VAV1: variants seen among roughly 807,000 people sequenced by gnomAD.
VAV1 encodes proto-oncogene vav.
In VAV1, 33 loss-of-function variants were observed where a neutral mutation model predicts 128.1. The ratio of observed to expected loss-of-function variants is 0.26; its 90% CI spans 0.20 to 0.34. The LOEUF (loss-of-function observed/expected upper bound fraction) is 0.34, where lower values mean the gene tolerates loss of function less well. Ranked by LOEUF, VAV1 falls within the 10% of genes least tolerant of loss-of-function variation. The pLI, the probability that VAV1 is intolerant of heterozygous loss-of-function variation, is 1.00. For missense variants in VAV1, 715 were observed against 1,093.7 expected (o/e 0.65, Z 4.88); for synonymous variants, 394 against 409.8 (o/e 0.96, Z 0.47).
chr19:6,791,201 C>T (rs1165277654), intron 1 of VAV1, among the ~76,000 whole-genome samples: 1 of 152,354 alleles, frequency 6.6e-6, no homozygotes, highest in East Asian at 1.9e-4. Flanking sequence ...ATCTTGAAGT[C>T]CTTGAGTTAT....
At chr19:6,850,212 T>A (rs1458863266) in intron 23 of VAV1, among the ~76,000 whole-genome samples, 1 of 140,602 alleles carries the variant, frequency 7.1e-6, no homozygotes, top group African/African-American at 2.9e-5. Context: ...GAGTTTTGTT[T>A]GTTTGTTTCT....
intron 1 of VAV1, among the ~76,000 whole-genome samples, chr19:6,806,626 TA>T (rs1971402338): frequency 6.6e-6 from 1 of 152,066 alleles, no homozygotes; most frequent in African/African-American, 2.4e-5. Context: ...CAGCGGAGAG[TA>T]AATCACTGTC....
intron 1 of VAV1, among the ~76,000 whole-genome samples, chr19:6,812,523 G>C (rs888404908): frequency 6.6e-6 from 1 of 152,144 alleles, no homozygotes; most frequent in African/African-American, 2.4e-5. Flanking sequence ...AGCAGGGCAT[G>C]GTGGTGGGCG....
At chr19:6,813,787 C>G (rs912429905) in intron 1 of VAV1, among the ~76,000 whole-genome samples, 1 of 152,056 alleles carries the variant, frequency 6.6e-6, no homozygotes, top group Admixed American at 6.6e-5. Flanking sequence ...GGTGCGGTGG[C>G]TCATACCTGT....
rs1442133456 is a variant in VAV1, at chr19:6,812,701, G to A, written c.205-8001G>A. Among the ~76,000 whole-genome samples the A allele has an allele frequency of 2.0e-5, 3 of 152,074 alleles. No individual in the cohort carries two copies. In the East Asian group the frequency reaches 5.8e-4, roughly 29 times the overall value. On this transcript the variant is annotated intron_variant, in intron 1 of 26. Coordinates refer to ENST00000602142, the MANE Select transcript of VAV1 (RefSeq NM_005428.4). Reference sequence around the variant, plus strand: ...CCCAAAATACAAAAATTGATGGGTTGGTGAATGCTCTTGGTTTCCCAGCTG... The same window carrying A: ...CCCAAAATACAAAAATTGATGGGTTAGTGAATGCTCTTGGTTTCCCAGCTG...
At chr19:6,811,268 T>C (rs993720417) in intron 1 of VAV1, among the ~76,000 whole-genome samples, 3 of 152,174 alleles carry the variant, frequency 2.0e-5, no homozygotes, top group Admixed American at 1.3e-4. Context: ...ACTCCTGACT[T>C]CAAGTGATCC....
intron 1 of VAV1, among the ~76,000 whole-genome samples, chr19:6,791,608 C>T (rs1001482763): frequency 2.6e-5 from 4 of 152,162 alleles, no homozygotes; most frequent in African/African-American, 9.7e-5. Context: ...TCGTTTTCTC[C>T]AAAAAATGTT....
chr19:6,798,645 CCTGTTTCTCCCCTT>C (rs1402053076), intron 1 of VAV1, among the ~76,000 whole-genome samples: 4 of 150,742 alleles, frequency 2.7e-5, no homozygotes, highest in African/African-American at 9.9e-5. Context: ...AGAGTGAGAC[CCTGTTTCTCCCCTT>C]CCCCCCCCCA....
At chr19:6,829,543 C>A (rs550665036) in intron 13 of VAV1, among the ~76,000 whole-genome samples, 1 of 151,938 alleles carries the variant, frequency 6.6e-6, no homozygotes, top group Non-Finnish European at 1.5e-5. Context: ...CCAGAGAAGG[C>A]GGTGGAGCCT....
At position 6,822,753 on chromosome 19, in the gene VAV1, C is replaced by G. The variant is rs1265380943; in HGVS notation, c.654+239C>G. On this transcript the variant is annotated intron_variant, in intron 6 of 26. Transcript: ENST00000602142. This position sits in a 1 kb window ranked among gnomAD's most constrained non-coding sequence, Gnocchi z 5.9. ...AAATATAGGACACTGCCTGCAGGAG[C>G]AGTCAAAAAACCAAAAACAAACAAA... Among the ~76,000 whole-genome samples, 4 of 147,384 alleles carry G rather than the reference C, an allele frequency of 2.7e-5. No homozygotes were observed. The highest frequency in any genetic ancestry group is 4.5e-5 in the Non-Finnish European group (3 of 66,998).
intron 1 of VAV1, among the ~76,000 whole-genome samples, chr19:6,814,709 T>TTTCCTTCTTTCTTTCTTTCC (rs1971602000): frequency 7.2e-6 from 1 of 138,138 alleles, no homozygotes; most frequent in African/African-American, 3.0e-5. Flanking sequence ...TCTTTCTTTC[T>TTTCCTTCTTTCTTTCTTTCC]TTCTTTCTTT....
At chr19:6,788,280 G>C (rs990245605) in intron 1 of VAV1, among the ~76,000 whole-genome samples, 3 of 151,886 alleles carry the variant, frequency 2.0e-5, no homozygotes, top group African/African-American at 7.3e-5. Context: ...TGGAAAATAG[G>C]GGGGTTGGCT....
chr19:6,856,730 G>GAAAAAA (rs1222535432), intron 26 of VAV1, among the ~76,000 whole-genome samples: 2 of 68,852 alleles, frequency 2.9e-5, no homozygotes, highest in Admixed American at 1.7e-4. Context: ...TCTCAAAAAA[G>GAAAAAA]AAAAAAAAAA....
At chr19:6,774,921 A>ATTTTTTTTTTTTTTTTTTTTTT (rs61404391) in intron 1 of VAV1, among the ~76,000 whole-genome samples, 1 of 137,354 alleles carries the variant, frequency 7.3e-6, no homozygotes, top group Non-Finnish European at 1.6e-5. Context: ...TGCCTGCCTA[A>ATTTTTTTTTTTTTTTTTTTTTT]TTTTTTTTTT....
chr19:6,820,624 C>A lies in VAV1; in HGVS notation c.205-78C>A, dbSNP rs1040083638. On this transcript the variant is annotated intron_variant, in intron 1 of 26. Transcript: ENST00000602142. The surrounding 1 kb of genome is among the most constrained non-coding windows in gnomAD (Gnocchi z 4.4). Reference sequence around the variant, plus strand: ...TTCATTTCCCCTCCACACCAGTCCCCAAGCTAGGTGGCCTGGGGGTCAGTT... The same window carrying A: ...TTCATTTCCCCTCCACACCAGTCCCAAAGCTAGGTGGCCTGGGGGTCAGTT... The A allele has an allele frequency of 1.7e-6, 2 of 1,184,598 alleles. No individual in the cohort carries two copies. The highest frequency in any genetic ancestry group is 2.3e-5 in the East Asian group (1 of 42,610). 73.4% of individuals were successfully genotyped at this position (1,184,598 alleles called of 1,614,324 possible). A position where few individuals can be genotyped will look rare whatever the true frequency, so the allele number is the denominator to read the frequency against.
At chr19:6,789,390 C>G (rs1370267291) in intron 1 of VAV1, among the ~76,000 whole-genome samples, 1 of 151,816 alleles carries the variant, frequency 6.6e-6, no homozygotes, top group African/African-American at 2.4e-5. Context: ...GTAGCTGGGA[C>G]TATAGGTGCC....
intron 1 of VAV1, among the ~76,000 whole-genome samples, chr19:6,799,666 T>C (rs2546133): frequency 0.94 from 142,332 of 151,858 alleles, 66,800 homozygotes; most frequent in East Asian, 1. Context: ...GAATTACTGA[T>C]GGCACTTTTG....
chr19:6,832,263 G>A (rs1406664995), intron 15 of VAV1, 63 bp downstream of exon 15: 19 of 1,488,382 alleles, frequency 1.3e-5, no homozygotes, highest in East Asian at 9.2e-5. Flanking sequence ...AAGGAGGAAC[G>A]TGATCTAGTC....
Position 6,828,737 on chromosome 19 carries a change from G to C in VAV1, c.1179+29G>C, listed in dbSNP as rs1473996458. 6.2e-7 allele frequency: 1 copy of C among 1,613,986 alleles called. No individual in the cohort carries two copies. The highest frequency in any genetic ancestry group is 1.7e-5 in the Admixed American group (1 of 60,008). ...AGGCGGTGGAGCCGGGTGGGCCAGG[G>C]GTGTGGCCACGTGGGGAGAGTGTGT... On this transcript the variant is annotated intron_variant, in intron 12 of 26. Coordinates refer to ENST00000602142, the MANE Select transcript of VAV1 (RefSeq NM_005428.4). The surrounding 1 kb of genome is among the most constrained non-coding windows in gnomAD (Gnocchi z 4.5).
Sources: allele counts gnomAD v4.1 joint callset (sites outside exome capture counted in the v4.1 genomes callset), GRCh38; gene constraint gnomAD v4.1.1; non-coding constraint Gnocchi (gnomAD v3.1); transcripts MANE v1.5; gene names NCBI Gene and HGNC (gene_info 2026-07-23, HGNC 2026-07-21).